Variants in FBXL17 observed in about 807,000 individuals in gnomAD.
FBXL17 encodes the protein F-box and leucine rich repeat protein 17, also known as F-box/LRR-repeat protein 17.
In FBXL17, 22 loss-of-function variants were observed where a neutral mutation model predicts 66.2. That is an observed-to-expected ratio of 0.33 (90% confidence interval 0.24 to 0.47). The LOEUF is 0.47. FBXL17 is among the 20% of genes least tolerant of loss of function. FBXL17 has a pLI of 1.00. For synonymous variants in FBXL17, 474 were observed against 400.5 expected (o/e 1.18, Z -2.19); for missense variants, 878 against 948.2 (o/e 0.93, Z 0.97).
chr5:108,282,313 A>G (rs1757732134), intron 4 of FBXL17, among the ~76,000 whole-genome samples: 1 of 151,784 alleles, frequency 6.6e-6, no homozygotes, highest in Admixed American at 6.6e-5. Flanking sequence ...CAAAAAATAT[A>G]CCATGATCAA....
intron 6 of FBXL17, among the ~76,000 whole-genome samples, chr5:108,163,823 T>C (rs1752312072): frequency 6.6e-6 from 1 of 152,240 alleles, no homozygotes; most frequent in Admixed American, 6.5e-5. Flanking sequence ...AAACACTGGA[T>C]TTGTTTTACT....
chr5:107,956,707 T>C (rs1751678325), intron 7 of FBXL17, among the ~76,000 whole-genome samples: 1 of 152,146 alleles, frequency 6.6e-6, no homozygotes, highest in Non-Finnish European at 1.5e-5. Flanking sequence ...CCACAGAATG[T>C]ACCTCAGAAC....
At chr5:107,933,131 T>C (rs1168017931) in intron 7 of FBXL17, among the ~76,000 whole-genome samples, 2 of 152,152 alleles carry the variant, frequency 1.3e-5, no homozygotes, top group Admixed American at 1.3e-4. Flanking sequence ...AATTTACAGG[T>C]TTATTCTGAG....
At chr5:108,319,465 A>C (rs886171644) in intron 4 of FBXL17, among the ~76,000 whole-genome samples, 9 of 151,964 alleles carry the variant, frequency 5.9e-5, no homozygotes, top group Admixed American at 5.9e-4. Flanking sequence ...ATGCATTAAC[A>C]AAAAAACAAT....
At position 108,186,252 on chromosome 5, in the gene FBXL17, T is replaced by C. The variant is rs1753224685; in HGVS notation, c.1615-5A>G. On this transcript the variant is annotated splice_region_variant and splice_polypyrimidine_tract_variant and intron_variant, in intron 5 of 8. Transcript: ENST00000542267. Reference sequence around the variant, plus strand: ...CAAGCTGGAAAGGTTTCTTAGCTAATGAGATAAATAAAATGAAAGATGAAA... The same window carrying C: ...CAAGCTGGAAAGGTTTCTTAGCTAACGAGATAAATAAAATGAAAGATGAAA... The C allele has an allele frequency of 1.9e-6, 3 of 1,605,674 alleles. No individual in the cohort carries two copies. The highest frequency in any genetic ancestry group is 1.1e-5 in the South Asian group (1 of 89,096).
At chr5:108,129,733 G>A (rs2149974878) in intron 6 of FBXL17, among the ~76,000 whole-genome samples, 1 of 151,824 alleles carries the variant, frequency 6.6e-6, no homozygotes, top group Non-Finnish European at 1.5e-5. Context: ...ACAATAGATT[G>A]CTAAAATCAA....
intron 4 of FBXL17, among the ~76,000 whole-genome samples, chr5:108,234,117 A>G (rs1755490211): frequency 6.6e-6 from 1 of 152,150 alleles, no homozygotes; most frequent in South Asian, 2.1e-4. Flanking sequence ...AAGAGAAGAC[A>G]GGCAGTACAG....
chr5:108,310,280 T>G (rs1759054630), intron 4 of FBXL17, among the ~76,000 whole-genome samples: 1 of 152,164 alleles, frequency 6.6e-6, no homozygotes, highest in African/African-American at 2.4e-5. Context: ...AAAAGCACTA[T>G]CATACTATCC....
intron 8 of FBXL17, among the ~76,000 whole-genome samples, chr5:107,866,086 A>T: frequency 2.0e-5 from 1 of 50,446 alleles, no homozygotes; most frequent in Non-Finnish European, 3.8e-5. Context: ...TTAAAGATGA[A>T]GTTTTTTTTT....
In FBXL17 at chr5:108,381,762, G is replaced by A; in HGVS notation, c.-71C>T. ...CCAGAGAGGCGGGCTCCCGGCAGCGGGGCAGGCCGCTCGCTGGCTCGGCCC... is the reference window on the plus strand; with the variant it reads ...CCAGAGAGGCGGGCTCCCGGCAGCGAGGCAGGCCGCTCGCTGGCTCGGCCC... On this transcript the variant is annotated 5_prime_UTR_variant, in exon 1 of 9. Transcript: ENST00000542267. 7.3e-7 allele frequency: 1 copy of A among 1,371,652 alleles called. No homozygotes were observed. Among genetic ancestry groups the A allele is most frequent in the Non-Finnish European group, 9.4e-7 (1 of 1,068,288 alleles). The allele number at this position is 1,371,652 out of a possible 1,614,324, so 85.0% of individuals were successfully genotyped here. A position where few individuals can be genotyped will look rare whatever the true frequency, so the allele number is the denominator to read the frequency against.
intron 7 of FBXL17, among the ~76,000 whole-genome samples, chr5:107,884,991 T>A (rs187522777): frequency 6.6e-6 from 1 of 152,240 alleles, no homozygotes; most frequent in Non-Finnish European, 1.5e-5. Flanking sequence ...TTAGTCATTA[T>A]GTCACTGCTA....
rs1396585084 is a variant in FBXL17 at position 107,861,187 on chromosome 5, A to G, written c.*533T>C. 6.6e-6 allele frequency: 1 copy of G among 152,250 alleles called. No homozygotes were observed. Among genetic ancestry groups the G allele is most frequent in the Admixed American group, 6.5e-5 (1 of 15,286 alleles). The allele number at this position is 152,250 out of a possible 1,614,324, so 9.4% of individuals were successfully genotyped here. A position where few individuals can be genotyped will look rare whatever the true frequency, so the allele number is the denominator to read the frequency against. On this transcript the variant is annotated 3_prime_UTR_variant, in exon 9 of 9. Coordinates refer to ENST00000542267, the MANE Select transcript of FBXL17 (RefSeq NM_001163315.3). ...GCCACAGTGGATAACATGCTACCTT[A>G]GTGGCCTGGAAGAAGGCTTCTCTGT...
At chr5:108,259,392 A>C (rs2150123722) in intron 4 of FBXL17, among the ~76,000 whole-genome samples, 1 of 152,342 alleles carries the variant, frequency 6.6e-6, no homozygotes, top group African/African-American at 2.4e-5. Context: ...AGAGGATTCC[A>C]ATGTTTTAAA....
chr5:108,114,252 A>T (rs1430942461), intron 6 of FBXL17, among the ~76,000 whole-genome samples: 1 of 152,160 alleles, frequency 6.6e-6, no homozygotes, highest in Non-Finnish European at 1.5e-5. Flanking sequence ...TTGTTTATTT[A>T]TTGTGCATAG....
chr5:108,166,009 C>A (rs1043373439), intron 6 of FBXL17, among the ~76,000 whole-genome samples: 1 of 152,168 alleles, frequency 6.6e-6, no homozygotes, highest in African/African-American at 2.4e-5. Context: ...ACGTGAGACA[C>A]CTCACTATCC....
chr5:107,911,793 T>C (rs1162657422), intron 7 of FBXL17, among the ~76,000 whole-genome samples: 2 of 152,136 alleles, frequency 1.3e-5, no homozygotes, highest in Admixed American at 1.3e-4. Flanking sequence ...ATTTGTAGCA[T>C]GTAACAAAAT....
At chr5:107,930,011 G>T (rs1750677919) in intron 7 of FBXL17, among the ~76,000 whole-genome samples, 1 of 152,010 alleles carries the variant, frequency 6.6e-6, no homozygotes, top group Non-Finnish European at 1.5e-5. Context: ...CATCTCCATG[G>T]CCACTGTCAC....
At chr5:107,978,153 T>C (rs190469055) in intron 7 of FBXL17, among the ~76,000 whole-genome samples, 44 of 152,310 alleles carry the variant, frequency 2.9e-4, no homozygotes, top group African/African-American at 1.0e-3. Context: ...GAAACTGCCT[T>C]TGCAAAGATT....
At chr5:108,235,377 G>A (rs1024030170) in intron 4 of FBXL17, among the ~76,000 whole-genome samples, 4 of 152,236 alleles carry the variant, frequency 2.6e-5, no homozygotes, top group South Asian at 2.1e-4. Context: ...TGGACCCATC[G>A]TTATACTAGC....
Sources: allele counts gnomAD v4.1 joint callset (sites outside exome capture counted in the v4.1 genomes callset), GRCh38; gene constraint gnomAD v4.1.1; transcripts MANE v1.5; gene names NCBI Gene and HGNC (gene_info 2026-07-23, HGNC 2026-07-21).